The following FAM184B variants were observed in gnomAD, a reference collection of about 807,000 sequenced individuals.
FAM184B encodes protein FAM184B.
FAM184B carries 111 observed loss-of-function variants against 135.9 expected under a neutral mutation model. The ratio of observed to expected loss-of-function variants is 0.82; its 90% CI spans 0.70 to 0.96. The LOEUF is 0.96. Ranked by LOEUF, FAM184B falls within the 40% of genes least tolerant of loss-of-function variation. FAM184B has a pLI of 0.00. For missense variants in FAM184B, 1,375 were observed against 1,323.9 expected, an observed-to-expected ratio of 1.04 and a Z score of -0.60; for synonymous variants, 552 against 524.8, an observed-to-expected ratio of 1.05 and a Z score of -0.71.
intron 8 of FAM184B, 63 bp from the exon 9 acceptor site, chr4:17,660,150 C>T (rs1715879605): frequency 5.9e-6 from 9 of 1,515,840 alleles, no homozygotes; most frequent in Admixed American, 4.0e-5. Flanking sequence ...ACTGCCACTC[C>T]GATAACGTGC....
At position 17,638,647 on chromosome 4, in the gene FAM184B, A is replaced by T. The variant is rs34869264; in HGVS notation, c.2666+603T>A. ...CTTAACAATTATTTGTTGAATGAATAAATGCAATATGTTTGCATGAGGGAC... is the reference window on the plus strand; with the variant it reads ...CTTAACAATTATTTGTTGAATGAATTAATGCAATATGTTTGCATGAGGGAC... On this transcript the variant is annotated intron_variant, in intron 14 of 17. Transcript: ENST00000265018. Among the ~76,000 whole-genome samples the T allele has an allele frequency of 8.2e-3, 1,246 of 152,314 alleles. 8 individuals are homozygous for T. The highest frequency in any genetic ancestry group is 0.012 in the Non-Finnish European group (839 of 68,030).
chr4:17,753,954 A>C (rs1006578583), intron 1 of FAM184B, among the ~76,000 whole-genome samples: 16 of 152,232 alleles, frequency 1.1e-4, no homozygotes, highest in Admixed American at 8.5e-4. Flanking sequence ...TGGTAAGTAC[A>C]GTTTACATAA....
intron 7 of FAM184B, among the ~76,000 whole-genome samples, chr4:17,685,055 G>A (rs1055580999): frequency 3.3e-5 from 5 of 151,898 alleles, no homozygotes; most frequent in African/African-American, 1.2e-4. Flanking sequence ...GGAGGGTGTT[G>A]GGTTGAGGAG....
intron 1 of FAM184B, among the ~76,000 whole-genome samples, chr4:17,776,321 A>T (rs1427035116): frequency 6.6e-6 from 1 of 152,262 alleles, no homozygotes; most frequent in Non-Finnish European, 1.5e-5. Flanking sequence ...ACTATGTGTC[A>T]GACTTTGTAC....
intron 7 of FAM184B, among the ~76,000 whole-genome samples, chr4:17,680,195 A>G (rs150475635): frequency 9.9e-4 from 151 of 152,350 alleles, no homozygotes; most frequent in Non-Finnish European, 1.9e-3. Context: ...CAATGTATAG[A>G]TATTTCAAAA....
chr4:17,757,115 C>T (rs1360522580), intron 1 of FAM184B, among the ~76,000 whole-genome samples: 1 of 152,022 alleles, frequency 6.6e-6, no homozygotes, highest in Non-Finnish European at 1.5e-5. Context: ...GAACCTGAAT[C>T]GAATCAATCT....
intron 2 of FAM184B, 92 bp downstream of exon 2, chr4:17,708,800 T>C (rs1029786978): frequency 5.2e-6 from 7 of 1,347,730 alleles, no homozygotes; most frequent in South Asian, 1.6e-5. Flanking sequence ...AGAAGGCAAG[T>C]GCTTAGCACA....
At chr4:17,634,310 G>A (rs1715059080) in intron 16 of FAM184B, among the ~76,000 whole-genome samples, 1 of 152,154 alleles carries the variant, frequency 6.6e-6, no homozygotes, top group African/African-American at 2.4e-5. Context: ...ATTGTCCTGT[G>A]AACTATTTTT....
chr4:17,642,257 T>C lies in FAM184B; in HGVS notation c.2347-29A>G, dbSNP rs754903060. ...AGGAAGGCAACCAGGAGAGGTGTTT[T>C]CAGGAGGCGCAGGGGCAGACAAGGC... On this transcript the variant is annotated intron_variant, in intron 12 of 17. Coordinates refer to ENST00000265018, the MANE Select transcript of FAM184B (RefSeq NM_015688.2). 2.7e-5 allele frequency: 39 copies of C among 1,449,408 alleles called. No individual in the cohort carries two copies. The South Asian group carries it at 5.3e-4, about 20-fold the overall frequency. The allele number at this position is 1,449,408 out of a possible 1,614,324, so 89.8% of individuals were successfully genotyped here.
intron 1 of FAM184B, among the ~76,000 whole-genome samples, chr4:17,715,779 T>TTA (rs1717389967): frequency 6.6e-6 from 1 of 151,228 alleles, no homozygotes; most frequent in African/African-American, 2.5e-5. Context: ...ACTTGTCAGT[T>TTA]TAAAAAAAAA....
At chr4:17,675,003 T>G (rs1204142994) in intron 7 of FAM184B, among the ~76,000 whole-genome samples, 1 of 152,170 alleles carries the variant, frequency 6.6e-6, no homozygotes, top group Non-Finnish European at 1.5e-5. Flanking sequence ...TTTTATCTCC[T>G]CCCATAAATC....
chr4:17,634,013 T>C lies in FAM184B; in HGVS notation c.2890-125A>G, dbSNP rs1715048419. On this transcript the variant is annotated intron_variant, in intron 16 of 17. Coordinates refer to ENST00000265018, the MANE Select transcript of FAM184B (RefSeq NM_015688.2). The stretch of plus-strand genomic sequence containing the variant: ...GGAGAAGAAGCAACAATTTCATTTA[T>C]ACACTTACATGCTATTTTTTAAAGC... The C allele has an allele frequency of 1.7e-5, 11 of 647,010 alleles. 1 individual carries two copies. In the South Asian group the frequency reaches 4.0e-4, roughly 23 times the overall value. The allele number at this position is 647,010 out of a possible 1,614,324, so 40.1% of individuals were successfully genotyped here.
chr4:17,748,989 G>A (rs556898473), intron 1 of FAM184B, among the ~76,000 whole-genome samples: 3 of 137,964 alleles, frequency 2.2e-5, no homozygotes, highest in African/African-American at 8.1e-5. Flanking sequence ...AGCACACCCA[G>A]CTAATTTTTT....
At chr4:17,653,477 T>C (rs1025647138) in intron 10 of FAM184B, among the ~76,000 whole-genome samples, 11 of 152,152 alleles carry the variant, frequency 7.2e-5, no homozygotes, top group African/African-American at 2.7e-4. Flanking sequence ...CAGTCCATGC[T>C]CTTGTTTGGT....
chr4:17,681,481 G>A (rs192406754), intron 7 of FAM184B, among the ~76,000 whole-genome samples: 32 of 152,306 alleles, frequency 2.1e-4, no homozygotes, highest in African/African-American at 7.2e-4. Context: ...TTCCATGTCA[G>A]GTGGAACCAG....
chr4:17,680,872 G>A (rs1018442845), intron 7 of FAM184B, among the ~76,000 whole-genome samples: 2 of 152,008 alleles, frequency 1.3e-5, no homozygotes, highest in East Asian at 1.9e-4. Context: ...AAACACCCAC[G>A]CCCAGGAAAT....
rs186650472 is a variant in FAM184B at position 17,777,869 on chromosome 4, G to A, written c.141+3290C>T. ...TCCCAGCACTTTGGGAAGCCAAGGC[G>A]GGAGGATTGCTTGAGCTCAGGAGTC... On this transcript the variant is annotated intron_variant, in intron 1 of 17. Transcript: ENST00000265018. 2.2e-4 allele frequency among the ~76,000 whole-genome samples: 33 copies of A among 152,250 alleles called. No homozygotes were observed. In the South Asian group the frequency reaches 2.7e-3, roughly 12 times the overall value.
At chr4:17,755,333 GA>G (rs1718394119) in intron 1 of FAM184B, among the ~76,000 whole-genome samples, 1 of 152,110 alleles carries the variant, frequency 6.6e-6, no homozygotes, top group African/African-American at 2.4e-5. Context: ...GATCATTAGA[GA>G]AATGTAAATC....
chr4:17,680,948 T>A (rs951483028), intron 7 of FAM184B, among the ~76,000 whole-genome samples: 1 of 152,218 alleles, frequency 6.6e-6, no homozygotes, highest in Non-Finnish European at 1.5e-5. Flanking sequence ...AGTAGCATTA[T>A]GTACATCTTA....
Sources: gnomAD v4.1 joint callset for allele counts (sites outside exome capture counted in the v4.1 genomes callset) on GRCh38, gnomAD v4.1.1 for gene constraint, MANE v1.5 for transcripts, NCBI Gene and HGNC (gene_info 2026-07-23, HGNC 2026-07-21) for gene names.